The following SLC7A11 variants were observed in gnomAD, a reference collection of about 807,000 sequenced individuals.
SLC7A11 encodes the protein cystine/glutamate transporter.
A neutral mutation model predicts 54.5 loss-of-function variants in SLC7A11; 35 were observed. The ratio of observed to expected loss-of-function variants is 0.64; its 90% CI spans 0.49 to 0.85. The LOEUF is 0.85. Among genes scored for constraint, SLC7A11 ranks in the 40% least tolerant of loss-of-function variants. The probability of loss-of-function intolerance (pLI) is 0.00; values close to 1 mark genes in which losing one functional copy is unlikely to be tolerated. For missense variants in SLC7A11, 583 were observed against 618.1 expected, an observed-to-expected ratio of 0.94 and a Z score of 0.60; for synonymous variants, 230 against 225.2, an observed-to-expected ratio of 1.02 and a Z score of -0.19.
At chr4:138,173,034 G>A (rs1205633617) in intron 11 of SLC7A11, among the ~76,000 whole-genome samples, 1 of 151,832 alleles carries the variant, frequency 6.6e-6, no homozygotes, top group Non-Finnish European at 1.5e-5. Context: ...GTAGAGACGG[G>A]GTTCCACCAT....
At chr4:138,198,190 G>C (rs1737186904) in intron 6 of SLC7A11, among the ~76,000 whole-genome samples, 1 of 151,348 alleles carries the variant, frequency 6.6e-6, no homozygotes, top group South Asian at 2.1e-4. Flanking sequence ...AATGATCTAG[G>C]GATGTAAAAA....
chr4:138,212,096 T>C (rs560132757), intron 6 of SLC7A11, among the ~76,000 whole-genome samples: 9 of 151,988 alleles, frequency 5.9e-5, no homozygotes, highest in African/African-American at 1.9e-4. Context: ...GATTTGATCA[T>C]TACACATCGT....
intron 11 of SLC7A11, among the ~76,000 whole-genome samples, chr4:138,175,163 T>C (rs1736538843): frequency 6.6e-6 from 1 of 152,212 alleles, no homozygotes; most frequent in African/African-American, 2.4e-5. Flanking sequence ...TATTCAGCTG[T>C]CAGTGATTTA....
At chr4:138,193,326 T>C (rs1276723361) in intron 6 of SLC7A11, among the ~76,000 whole-genome samples, 3 of 152,188 alleles carry the variant, frequency 2.0e-5, no homozygotes, top group African/African-American at 4.8e-5. Flanking sequence ...TTATAGACTA[T>C]CCTGTTCTCA....
chr4:138,237,464 G>A (rs889006611), intron 1 of SLC7A11, among the ~76,000 whole-genome samples: 1 of 146,680 alleles, frequency 6.8e-6, no homozygotes, highest in African/African-American at 2.5e-5. Context: ...CAATGGCGCT[G>A]TCAGCTCATT....
At chr4:138,232,422 A>G (rs768709129) in intron 2 of SLC7A11, 40 bp from the exon 3 acceptor site, 4 of 1,113,322 alleles carry the variant, frequency 3.6e-6, no homozygotes, top group Non-Finnish European at 4.0e-6. Flanking sequence ...CCACAGGGGA[A>G]AAAACTGCAT....
At chr4:138,207,275 T>C (rs1452429814) in intron 6 of SLC7A11, among the ~76,000 whole-genome samples, 1 of 152,106 alleles carries the variant, frequency 6.6e-6, no homozygotes, top group Non-Finnish European at 1.5e-5. Context: ...AACATTGACT[T>C]GTAATAAAAA....
chr4:138,217,898 T>C (rs527504690), intron 5 of SLC7A11, among the ~76,000 whole-genome samples: 1 of 152,340 alleles, frequency 6.6e-6, no homozygotes, highest in South Asian at 2.1e-4. Context: ...AGCACCACAT[T>C]GTGCTTCAGA....
At chr4:138,180,844 TAAC>T (rs1736723848) in intron 9 of SLC7A11, 54 bp from the exon 10 acceptor site, 1 of 1,540,674 alleles carries the variant, frequency 6.5e-7, no homozygotes, top group Non-Finnish European at 8.8e-7. Flanking sequence ...CACAGATGAT[TAAC>T]AACAAAAACC....
Position 138,171,879 on chromosome 4 carries a change from A to T in SLC7A11, c.*77T>A, listed in dbSNP as rs1478032741. 5 of 1,538,176 alleles carry T rather than the reference A, an allele frequency of 3.3e-6. No individual in the cohort carries two copies. The highest frequency in any genetic ancestry group is 2.5e-5 in the Admixed American group (1 of 40,416). On this transcript the variant is annotated 3_prime_UTR_variant, in exon 12 of 12. Transcript: ENST00000280612. The stretch of plus-strand genomic sequence containing the variant: ...TATCACCAAAGTTGTAATTCTCTAG[A>T]CTTTCAGAAAATGAAGTAAAAATCC...
chr4:138,198,981 G>C (rs1737206892), intron 6 of SLC7A11, among the ~76,000 whole-genome samples: 1 of 152,150 alleles, frequency 6.6e-6, no homozygotes, highest in Admixed American at 6.6e-5. Context: ...AGTTGAGCTT[G>C]AGATGCAGCA....
At chr4:138,201,646 C>T (rs1181601912) in intron 6 of SLC7A11, among the ~76,000 whole-genome samples, 1 of 152,008 alleles carries the variant, frequency 6.6e-6, no homozygotes, top group Non-Finnish European at 1.5e-5. Flanking sequence ...AGCCAACAGT[C>T]AAGCAGTACA....
intron 6 of SLC7A11, among the ~76,000 whole-genome samples, chr4:138,193,992 G>T (rs1234865525): frequency 6.6e-6 from 1 of 152,154 alleles, no homozygotes; most frequent in African/African-American, 2.4e-5. Context: ...AGTAGGAAAA[G>T]TATAAAATTG....
At chr4:138,187,651 G>A (rs1378975115) in intron 6 of SLC7A11, among the ~76,000 whole-genome samples, 1 of 152,058 alleles carries the variant, frequency 6.6e-6, no homozygotes, top group African/African-American at 2.4e-5. Context: ...TATCAAACTA[G>A]TATTTCTCAT....
At chr4:138,179,735 A>T (rs1736674584) in intron 10 of SLC7A11, among the ~76,000 whole-genome samples, 1 of 152,148 alleles carries the variant, frequency 6.6e-6, no homozygotes, top group Non-Finnish European at 1.5e-5. Flanking sequence ...TGATTTTAAA[A>T]GACTGGCTCT....
chr4:138,193,876 C>A (rs993959805), intron 6 of SLC7A11, among the ~76,000 whole-genome samples: 5 of 152,104 alleles, frequency 3.3e-5, no homozygotes, highest in African/African-American at 1.2e-4. Flanking sequence ...TATGTATGCA[C>A]ATATTTGACC....
intron 6 of SLC7A11, among the ~76,000 whole-genome samples, chr4:138,212,083 C>T (rs1737565020): frequency 4.0e-5 from 6 of 151,764 alleles, no homozygotes; most frequent in Admixed American, 3.9e-4. Context: ...ACCCAATTAT[C>T]CTGATTTGAT....
chr4:138,199,523 C>A (rs1737224084), intron 6 of SLC7A11, among the ~76,000 whole-genome samples: 1 of 152,024 alleles, frequency 6.6e-6, no homozygotes, highest in African/African-American at 2.4e-5. Context: ...CAATATGTGT[C>A]CATTATGAGA....
intron 6 of SLC7A11, among the ~76,000 whole-genome samples, chr4:138,193,552 A>T (rs1021063707): frequency 1.3e-5 from 2 of 152,164 alleles, no homozygotes; most frequent in African/African-American, 4.8e-5. Context: ...CTGTAATCCT[A>T]GCACTTTGGG....
Sources: gnomAD v4.1 joint callset for allele counts (sites outside exome capture counted in the v4.1 genomes callset) on GRCh38, gnomAD v4.1.1 for gene constraint, MANE v1.5 for transcripts, NCBI Gene and HGNC (gene_info 2026-07-23, HGNC 2026-07-21) for gene names.